GLCCI1: variants seen among roughly 807,000 people sequenced by gnomAD.
GLCCI1 encodes glucocorticoid induced 1.
Under a neutral mutation model 52.2 loss-of-function variants are expected in GLCCI1, and 24 were observed. That is an observed-to-expected ratio of 0.46 (90% CI 0.33 to 0.65). GLCCI1 has a LOEUF of 0.65. Among genes scored for constraint, GLCCI1 ranks in the 30% least tolerant of loss-of-function variants. GLCCI1 has a pLI of 0.02. For synonymous variants in GLCCI1, 310 were observed against 276.5 expected, an observed-to-expected ratio of 1.12 and a Z score of -1.20; for missense variants, 704 against 701.5, an observed-to-expected ratio of 1.00 and a Z score of -0.04.
Position 7,979,158 on chromosome 7 carries a change from C to T in GLCCI1, c.457+9351C>T, listed in dbSNP as rs536793521. Reference sequence around the variant, plus strand: ...CAAAAGTGAGGATTTAGACTGTGCTCAGAGATTAGATTTTTGAAAAAAGCT... The same window carrying T: ...CAAAAGTGAGGATTTAGACTGTGCTTAGAGATTAGATTTTTGAAAAAAGCT... On this transcript the variant is annotated intron_variant, in intron 1 of 7. Coordinates refer to ENST00000223145, the MANE Select transcript of GLCCI1 (RefSeq NM_138426.4). Among the ~76,000 whole-genome samples, 16 of 152,084 alleles carry T rather than the reference C, an allele frequency of 1.1e-4. No individual in the cohort carries two copies. In the South Asian group the frequency reaches 2.7e-3, roughly 26 times the overall value.
chr7:8,037,771 T>C (rs1295392907), intron 3 of GLCCI1, among the ~76,000 whole-genome samples: 1 of 151,894 alleles, frequency 6.6e-6, no homozygotes, highest in Non-Finnish European at 1.5e-5. Flanking sequence ...AAACAGATTT[T>C]AAATCAACAG....
chr7:7,997,786 G>T (rs1211607690), intron 1 of GLCCI1, among the ~76,000 whole-genome samples: 1 of 151,978 alleles, frequency 6.6e-6, no homozygotes, highest in Non-Finnish European at 1.5e-5. Context: ...AAATTAGCCA[G>T]ACATGTTGGT....
intron 3 of GLCCI1, among the ~76,000 whole-genome samples, chr7:8,025,666 C>G (rs1381523923): frequency 6.6e-6 from 1 of 152,010 alleles, no homozygotes; most frequent in African/African-American, 2.4e-5. Flanking sequence ...ATTCATGAAG[C>G]TTAACTAACC....
chr7:7,989,553 G>A (rs1478500160), intron 1 of GLCCI1, among the ~76,000 whole-genome samples: 2 of 152,036 alleles, frequency 1.3e-5, no homozygotes, highest in African/African-American at 4.8e-5. Context: ...CGAGAAATAT[G>A]GAGCTATTCT....
chr7:8,007,309 C>T (rs1781172250), intron 2 of GLCCI1, among the ~76,000 whole-genome samples: 1 of 152,120 alleles, frequency 6.6e-6, no homozygotes, highest in Non-Finnish European at 1.5e-5. Context: ...GTACTACATA[C>T]ATATTACATC....
At chr7:8,012,636 G>A (rs915093989) in intron 2 of GLCCI1, among the ~76,000 whole-genome samples, 22 of 151,336 alleles carry the variant, frequency 1.5e-4, no homozygotes, top group Admixed American at 3.9e-4. Flanking sequence ...TAGTAGAGAC[G>A]GGGTTTCACC....
chr7:8,082,826 C>G (rs1783024212), intron 6 of GLCCI1, among the ~76,000 whole-genome samples: 2 of 152,132 alleles, frequency 1.3e-5, no homozygotes, highest in Non-Finnish European at 2.9e-5. Flanking sequence ...GATAGATTAG[C>G]CAACTCACAT....
chr7:8,058,594 T>C (rs1782451268), intron 4 of GLCCI1, among the ~76,000 whole-genome samples: 1 of 152,214 alleles, frequency 6.6e-6, no homozygotes, highest in South Asian at 2.1e-4. Flanking sequence ...ATTGGATTAC[T>C]GTGTGGGGGA....
intron 2 of GLCCI1, among the ~76,000 whole-genome samples, chr7:8,013,559 C>A (rs945441821): frequency 1.3e-5 from 2 of 151,956 alleles, no homozygotes; most frequent in Admixed American, 6.6e-5. Flanking sequence ...TGTACAATTC[C>A]TCAAAATGTT....
chr7:7,978,481 A>G (rs1780541965), intron 1 of GLCCI1, among the ~76,000 whole-genome samples: 1 of 152,212 alleles, frequency 6.6e-6, no homozygotes, highest in Non-Finnish European at 1.5e-5. Flanking sequence ...TGTAATATAG[A>G]AAATAAATTT....
At chr7:8,012,647 G>T (rs1044815899) in intron 2 of GLCCI1, among the ~76,000 whole-genome samples, 2 of 151,006 alleles carry the variant, frequency 1.3e-5, no homozygotes. Flanking sequence ...GGGTTTCACC[G>T]TGTTAGCCAG....
At chr7:7,987,404 A>G (rs2115413091) in intron 1 of GLCCI1, among the ~76,000 whole-genome samples, 1 of 152,318 alleles carries the variant, frequency 6.6e-6, no homozygotes, top group Non-Finnish European at 1.5e-5. Flanking sequence ...ACACCTTTAC[A>G]TCGTACTGTC....
intron 1 of GLCCI1, among the ~76,000 whole-genome samples, chr7:7,978,233 T>C (rs1313166031): frequency 6.6e-6 from 1 of 152,212 alleles, no homozygotes; most frequent in Non-Finnish European, 1.5e-5. Context: ...ATAAGGTCTC[T>C]TTTTTGTGTA....
At chr7:8,073,107 G>A (rs1447365660) in intron 6 of GLCCI1, among the ~76,000 whole-genome samples, 1 of 152,080 alleles carries the variant, frequency 6.6e-6, no homozygotes, top group Non-Finnish European at 1.5e-5. Context: ...TCTTTTGCAG[G>A]AGACATTGTA....
chr7:8,055,705 G>T (rs1286498210), intron 4 of GLCCI1, 156 bp downstream of exon 4: 1 of 542,044 alleles, frequency 1.8e-6, no homozygotes, highest in Non-Finnish European at 3.2e-6. Flanking sequence ...AAAGCAGCCG[G>T]GCGGCCGGCC....
chr7:8,034,871 C>T (rs142712859), intron 3 of GLCCI1, among the ~76,000 whole-genome samples: 1 of 152,182 alleles, frequency 6.6e-6, no homozygotes, highest in African/African-American at 2.4e-5. Flanking sequence ...CCTTATGAAC[C>T]CAAACACTGG....
chr7:8,046,367 T>A (rs1782127405), intron 3 of GLCCI1, among the ~76,000 whole-genome samples: 1 of 152,190 alleles, frequency 6.6e-6, no homozygotes, highest in African/African-American at 2.4e-5. Flanking sequence ...TTCAGGCCAT[T>A]ATGGGAAGCA....
chr7:8,033,000 TTAA>T (rs1176440836), intron 3 of GLCCI1, among the ~76,000 whole-genome samples: 2 of 151,798 alleles, frequency 1.3e-5, no homozygotes, highest in Non-Finnish European at 1.5e-5. Flanking sequence ...TATAAAATTA[TTAA>T]TAAAATATGA....
chr7:8,056,302 G>T (rs868038581), intron 4 of GLCCI1, among the ~76,000 whole-genome samples: 3 of 152,164 alleles, frequency 2.0e-5, no homozygotes, highest in South Asian at 2.1e-4. Flanking sequence ...CATCTCAATG[G>T]TTAGCCTTCT....
Sources: gnomAD v4.1 joint callset for allele counts (sites outside exome capture counted in the v4.1 genomes callset) on GRCh38, gnomAD v4.1.1 for gene constraint, MANE v1.5 for transcripts, NCBI Gene and HGNC (gene_info 2026-07-23, HGNC 2026-07-21) for gene names.